Variants in TBC1D30 observed in about 807,000 individuals in gnomAD.
TBC1D30 encodes TBC1 domain family member 30, also known as TBC1 domain family, member 30.
TBC1D30 carries 31 observed loss-of-function variants against 63.2 expected under a neutral mutation model. The ratio of observed to expected loss-of-function variants is 0.49; its 90% CI spans 0.37 to 0.66. TBC1D30 has a LOEUF of 0.66. Ranked by LOEUF, TBC1D30 falls within the 30% of genes least tolerant of loss-of-function variation. The probability of loss-of-function intolerance (pLI) is 0.00; values close to 1 mark genes in which losing one functional copy is unlikely to be tolerated. For synonymous variants in TBC1D30, 307 were observed against 361.5 expected (o/e 0.85, Z 1.71); for missense variants, 810 against 953.6 (o/e 0.85, Z 1.98).
chr12:64,830,838 T>G (rs1328013268), intron 4 of TBC1D30, among the ~76,000 whole-genome samples: 2 of 152,226 alleles, frequency 1.3e-5, no homozygotes, highest in South Asian at 2.1e-4. Context: ...AAAAGTTAGT[T>G]AAGTATATTT....
intron 8 of TBC1D30, among the ~76,000 whole-genome samples, chr12:64,855,953 G>A (rs1305467929): frequency 6.6e-6 from 1 of 152,156 alleles, no homozygotes; most frequent in African/African-American, 2.4e-5. Flanking sequence ...CTTTCCAGGT[G>A]TTAGGACATT....
chr12:64,875,177 A>T lies in TBC1D30; in HGVS notation c.1675A>T (p.Thr559Ser). The T allele has an allele frequency of 6.5e-7, 1 of 1,536,358 alleles. No individual in the cohort carries two copies. Among genetic ancestry groups the T allele is most frequent in the Non-Finnish European group, 8.7e-7 (1 of 1,146,904 alleles). The stretch of plus-strand genomic sequence containing the variant: ...TCCTGTCCCCTACGAAGACCTTAAG[A>T]CGAAGCTCAACTCCCCGTGGCGAAC... ...ISPVPYEDLK[T>S]KLNSPWRTHI... is the part of the protein sequence containing the mutation. The change falls in exon 12 of 12, where the codon ACG (threonine) becomes TCG (serine). Residue 559 changes from threonine (T) to serine (S), a missense_variant. This residue lies in a region of TBC1D30 where 450 missense variants were observed against 473.0 expected (regional missense o/e 0.95). Transcript: ENST00000539867.
chr12:64,786,716 C>G (rs561424589), intron 2 of TBC1D30, among the ~76,000 whole-genome samples: 184 of 152,080 alleles, frequency 1.2e-3, no homozygotes, highest in Non-Finnish European at 2.0e-3. Flanking sequence ...TTTTGGAGGC[C>G]GAGGCTGGTG....
At chr12:64,824,550 G>A (rs2136351425), upstream of TBC1D30, 4 of 263,712 alleles carry the variant, frequency 1.5e-5, no homozygotes, top group South Asian at 4.1e-4. Flanking sequence ...TGCGCACGGC[G>A]GTGCCGGGAT....
rs543535201 is a variant in TBC1D30 at position 64,802,584 on chromosome 12, G to T, written c.643+16539G>T. Among the ~76,000 whole-genome samples the T allele has an allele frequency of 7.2e-5, 11 of 152,100 alleles. No individual in the cohort carries two copies. The East Asian group carries it at 2.1e-3, about 29-fold the overall frequency. On this transcript the variant is annotated intron_variant, in intron 2 of 12. Transcript: ENST00000542120. ...ACATATGTATACATGTGCCATGTTG[G>T]TGTGCTGTACCCATTAACTCTTCAT... is the stretch of plus-strand genomic sequence containing the variant.
At chr12:64,789,031 CTG>C (rs1234767428) in intron 2 of TBC1D30, among the ~76,000 whole-genome samples, 2 of 152,114 alleles carry the variant, frequency 1.3e-5, no homozygotes, top group Non-Finnish European at 2.9e-5. Context: ...TTTAAAAAAA[CTG>C]AGATTTCACT....
At chr12:64,829,970 C>T (rs1378363268) in intron 3 of TBC1D30, among the ~76,000 whole-genome samples, 1 of 152,168 alleles carries the variant, frequency 6.6e-6, no homozygotes, top group Non-Finnish European at 1.5e-5. Flanking sequence ...AAAAAAAGCC[C>T]CATTCACCAT....
intron 2 of TBC1D30, among the ~76,000 whole-genome samples, chr12:64,817,355 G>A (rs1209620258): frequency 1.3e-5 from 2 of 152,188 alleles, no homozygotes; most frequent in African/African-American, 4.8e-5. Context: ...TTATTCTAAA[G>A]ATGAGGAAAC....
At chr12:64,857,932 C>T (rs1196628100) in intron 8 of TBC1D30, among the ~76,000 whole-genome samples, 5 of 152,132 alleles carry the variant, frequency 3.3e-5, no homozygotes, top group Admixed American at 6.5e-5. Flanking sequence ...TCCCCAAGTG[C>T]ACAGACTCTT....
chr12:64,807,918 G>GTTTT lies in TBC1D30; in HGVS notation c.644-19903_644-19900dup, dbSNP rs774145443. ...GCCCATGCCACCCTGCCTAATTTAA[G>GTTTT]TTTTTTTTTTTTTTTTTGTAGAGCT... On this transcript the variant is annotated intron_variant, in intron 2 of 12. Coordinates refer to the TBC1D30 transcript ENST00000542120. Among the ~76,000 whole-genome samples, 833 of 93,462 alleles carry GTTTT rather than the reference G, an allele frequency of 8.9e-3. 99 individuals carry two copies. The highest frequency in any genetic ancestry group is 0.039 in the African/African-American group (703 of 18,090). 61.3% of individuals were successfully genotyped at this position (93,462 alleles called of 152,430 possible).
chr12:64,831,898 C>T (rs1161293764), intron 4 of TBC1D30, among the ~76,000 whole-genome samples: 4 of 152,084 alleles, frequency 2.6e-5, no homozygotes, highest in Admixed American at 6.5e-5. Context: ...ATTTGCCTGA[C>T]TGAAATTCCC....
rs147514926 is a variant in TBC1D30, at chr12:64,814,970, T to C, written c.644-12865T>C. On this transcript the variant is annotated intron_variant, in intron 2 of 12. Transcript: ENST00000542120. Reference sequence around the variant, plus strand: ...CTACCTTTTGAAATGCTGAGGCCTATAGTGACTGACATACCATTAAATTCC... The same window carrying C: ...CTACCTTTTGAAATGCTGAGGCCTACAGTGACTGACATACCATTAAATTCC... Among the ~76,000 whole-genome samples, 12 of 152,332 alleles carry C rather than the reference T, an allele frequency of 7.9e-5. No homozygotes were observed. In the South Asian group the frequency reaches 1.2e-3, roughly 16 times the overall value.
chr12:64,838,707 A>G lies in TBC1D30; in HGVS notation c.788A>G (p.Asn263Ser). ...SGGGYEPPLT[N>S]VFTMQWFLTL... ...GGTGGATATGAGCCCCCACTTACAA[A>G]TGTCTTCACGATGCAGTGGTTTCTG... Residue 263 changes from asparagine (N) to serine (S), a missense_variant, in exon 7 of 12, where the codon AAT becomes AGT. Around this residue, in one of 4 missense-constraint regions of TBC1D30, gnomAD observed 272 missense variants for 335.9 expected, o/e 0.81. Coordinates refer to ENST00000539867, the MANE Select transcript of TBC1D30 (RefSeq NM_015279.2). 6.5e-7 allele frequency: 1 copy of G among 1,536,588 alleles called. No individual in the cohort carries two copies. Among genetic ancestry groups the G allele is most frequent in the Non-Finnish European group, 8.7e-7 (1 of 1,147,022 alleles).
rs944892076 is a variant in TBC1D30, at chr12:64,877,776, C to T, written c.*1988C>T. On this transcript the variant is annotated 3_prime_UTR_variant, in exon 12 of 12. Coordinates refer to ENST00000539867, the MANE Select transcript of TBC1D30 (RefSeq NM_015279.2). ...AACTTTACAGATAATAGTGTTTCCA[C>T]CTCATATCCTTTTCTTTGCCCCTTC... The T allele has an allele frequency of 2.0e-5, 3 of 152,272 alleles. No homozygotes were observed. The highest frequency in any genetic ancestry group is 4.4e-5 in the Non-Finnish European group (3 of 68,098). The allele number at this position is 152,272 out of a possible 1,614,324, so 9.4% of individuals were successfully genotyped here. A position where few individuals can be genotyped will look rare whatever the true frequency, so the allele number is the denominator to read the frequency against.
exon 2 of TBC1D30, chr12:64,785,887 A>C: frequency 7.8e-7 from 1 of 1,289,400 alleles, no homozygotes; most frequent in Non-Finnish European, 1.0e-6. Context: ...ATAGACGCTA[A>C]TGAACTGAAG....
At chr12:64,839,177 G>A (rs1875624243) in intron 7 of TBC1D30, among the ~76,000 whole-genome samples, 1 of 152,216 alleles carries the variant, frequency 6.6e-6, no homozygotes, top group Non-Finnish European at 1.5e-5. Flanking sequence ...GAAAGATCTG[G>A]TTAGGAGTAG....
At chr12:64,863,341 A>G (rs1315935998) in intron 8 of TBC1D30, among the ~76,000 whole-genome samples, 1 of 152,076 alleles carries the variant, frequency 6.6e-6, no homozygotes, top group African/African-American at 2.4e-5. Flanking sequence ...GAGGTGGGGA[A>G]CTGGTTTAAT....
At chr12:64,854,734 A>G (rs1241501027) in intron 8 of TBC1D30, among the ~76,000 whole-genome samples, 1 of 152,098 alleles carries the variant, frequency 6.6e-6, no homozygotes, top group Non-Finnish European at 1.5e-5. Context: ...TGACCTTGTG[A>G]TCCACCTGCC....
rs190314516 is a variant in TBC1D30 at position 64,836,839 on chromosome 12, A to C, written c.763+181A>C. Among the ~76,000 whole-genome samples, 307 of 152,282 alleles carry C rather than the reference A, an allele frequency of 2.0e-3. 4 individuals are homozygous for C. The highest frequency in any genetic ancestry group is 0.018 in the Admixed American group (279 of 15,292). On this transcript the variant is annotated intron_variant, in intron 6 of 11. Coordinates refer to ENST00000539867, the MANE Select transcript of TBC1D30 (RefSeq NM_015279.2). ...GACAACAACAAAAGGCCACATGTTG[A>C]ACCTCTAACTGGTCATAATTAGGAA...
Sources: gnomAD v4.1 joint callset for allele counts (sites outside exome capture counted in the v4.1 genomes callset) on GRCh38, gnomAD v4.1.1 for gene constraint, gnomAD v4.1.1 regional missense constraint, MANE v1.5 for transcripts, NCBI Gene and HGNC (gene_info 2026-07-23, HGNC 2026-07-21) for gene names.